The following RIF1 variants were observed in gnomAD, a reference collection of about 807,000 sequenced individuals.
RIF1 encodes telomere-associated protein RIF1.
RIF1 carries 45 observed loss-of-function variants against 247.1 expected under a neutral mutation model. That is an observed-to-expected ratio of 0.18 (90% CI 0.14 to 0.23). The LOEUF (loss-of-function observed/expected upper bound fraction) is 0.23, where lower values mean the gene tolerates loss of function less well. Ranked by LOEUF, RIF1 falls within the 10% of genes least tolerant of loss-of-function variation. RIF1 has a pLI of 1.00. For missense variants in RIF1, 2,967 were observed against 2,862.5 expected (o/e 1.04, Z -0.83); for synonymous variants, 1,087 against 978.8 (o/e 1.11, Z -2.06).
rs553820071 is a variant in RIF1, at chr2:151,433,372, A to G, written c.1077+144A>G. On this transcript the variant is annotated intron_variant, in intron 10 of 35. Transcript: ENST00000444746. ...AAGGTCTTTCACTTTACTGGCAGAG[A>G]ACTTAAATTCATTTCCCACAAGGGA... 89 of 500,298 alleles carry G rather than the reference A, an allele frequency of 1.8e-4. No individual in the cohort carries two copies. In the Middle Eastern group the frequency reaches 2.2e-3, roughly 13 times the overall value. The allele number at this position is 500,298 out of a possible 1,614,324, so 31.0% of individuals were successfully genotyped here. A position where few individuals can be genotyped will look rare whatever the true frequency, so the allele number is the denominator to read the frequency against.
chr2:151,496,984 G>C lies in RIF1; in HGVS notation c.*513+1658G>C, dbSNP rs541150975. On this transcript the variant is annotated intron_variant and NMD_transcript_variant, in intron 10 of 13. Transcript: ENST00000454583. ...ATTGTGTTTGACTCTCTCCATCTCAGGAGTGACAGGTAGAGGGGTTCCCTT... is the reference window on the plus strand; with the variant it reads ...ATTGTGTTTGACTCTCTCCATCTCACGAGTGACAGGTAGAGGGGTTCCCTT... The C allele has an allele frequency of 6.3e-7, 1 of 1,581,244 alleles. No homozygotes were observed. Among genetic ancestry groups the C allele is most frequent in the Admixed American group, 1.8e-5 (1 of 55,148 alleles).
chr2:151,428,133 G>A (rs921502659), intron 8 of RIF1, among the ~76,000 whole-genome samples: 2 of 152,150 alleles, frequency 1.3e-5, no homozygotes, highest in African/African-American at 4.8e-5. Context: ...GAAGGCTGAG[G>A]CAGGAGAATC....
rs148665312 is a variant in RIF1 at position 151,463,778 on chromosome 2, C to A, written c.4258C>A (p.Arg1420=). 2.4e-5 allele frequency: 38 copies of A among 1,613,624 alleles called. No individual in the cohort carries two copies. In the African/African-American group the frequency reaches 4.7e-4, roughly 20 times the overall value. Residue 1420 remains arginine (R), a synonymous_variant, in exon 30 of 36, where the codon CGA becomes AGA. Coordinates refer to ENST00000444746, the MANE Select transcript of RIF1 (RefSeq NM_018151.5). ...NQKTLRRSSR[R]RSEVVESTTE... ...GAAAACCCTTAGACGGTCTTCAAGG[C>A]GACGTTCAGAAGTAGTAGAGTCTAC...
intron 16 of RIF1, among the ~76,000 whole-genome samples, chr2:151,442,476 T>C (rs947499076): frequency 6.6e-6 from 1 of 151,430 alleles, no homozygotes; most frequent in African/African-American, 2.4e-5. Context: ...AAGGAAAAAC[T>C]GATAGTTAAT....
the RIF1 span, chr2:151,526,049 A>G: frequency 6.2e-7 from 1 of 1,613,890 alleles, no homozygotes; most frequent in Non-Finnish European, 8.5e-7. Flanking sequence ...GTGCTTCTTG[A>G]CATGGTCCTT....
chr2:151,411,465 C>T (rs995288799), intron 3 of RIF1, 127 bp downstream of exon 3: 7 of 580,038 alleles, frequency 1.2e-5, no homozygotes, highest in East Asian at 3.0e-5. Flanking sequence ...GGCTCAGGCT[C>T]GGGCTCGGCT....
intron 23 of RIF1, among the ~76,000 whole-genome samples, chr2:151,457,287 T>TA (rs1047357832): frequency 6.6e-6 from 1 of 152,146 alleles, no homozygotes; most frequent in African/African-American, 2.4e-5. Context: ...CACTCCTGGC[T>TA]AATTTTTGTA....
chr2:151,480,968 A>G lies in RIF1; in HGVS notation c.*5897A>G, dbSNP rs2049144211. 1 of 79,314 alleles carries G rather than the reference A, an allele frequency of 1.3e-5. No homozygotes were observed. Among genetic ancestry groups the G allele is most frequent in the African/African-American group, 3.5e-5 (1 of 28,182 alleles). The allele number at this position is 79,314 out of a possible 1,614,324, so 4.9% of individuals were successfully genotyped here. A position where few individuals can be genotyped will look rare whatever the true frequency, so the allele number is the denominator to read the frequency against. ...CATTTTTTAATGGTGAAAAAAGTCA[A>G]AAGAAGGACATTTTGTGACACATGA... On this transcript the variant is annotated 3_prime_UTR_variant, in exon 36 of 36. Coordinates refer to ENST00000444746, the MANE Select transcript of RIF1 (RefSeq NM_018151.5).
intron 6 of RIF1, among the ~76,000 whole-genome samples, chr2:151,418,968 C>CTTTTTTTTTTTTTTTTTTTTTTT: frequency 8.9e-6 from 1 of 111,774 alleles, no homozygotes; most frequent in Non-Finnish European, 1.8e-5. Flanking sequence ...GCCTTAAATT[C>CTTTTTTTTTTTTTTTTTTTTTTT]TTTTTTTTTT....
Position 151,460,047 on chromosome 2 carries a change from A to G in RIF1, c.3003A>G (p.Lys1001=). 1 of 1,574,804 alleles carries G rather than the reference A, an allele frequency of 6.3e-7. No homozygotes were observed. The highest frequency in any genetic ancestry group is 8.7e-7 in the Non-Finnish European group (1 of 1,155,386). Residue 1001 remains lysine, a synonymous_variant, in exon 26 of 36, where the codon AAA becomes AAG. Coordinates refer to ENST00000444746, the MANE Select transcript of RIF1 (RefSeq NM_018151.5). ...TGAAGATAAGTGGCATGGAGAGAAA[A>G]TCAAATGGAAAAAGAGATTCATTTT... ...LNVKISGMER[K]SNGKRDSFLA... is the part of the protein sequence containing the mutation.
chr2:151,463,249 T>G lies in RIF1; in HGVS notation c.3729T>G (p.Ile1243Met). 6.2e-7 allele frequency: 1 copy of G among 1,613,674 alleles called. No individual in the cohort carries two copies. Among genetic ancestry groups the G allele is most frequent in the Non-Finnish European group, 8.5e-7 (1 of 1,179,840 alleles). ...RPFSPSPLNN[I>M]SSTVTVKNNQ... ...TTAGTCCATCCCCCTTGAATAATAT[T>G]TCATCAACTGTTACAGTGAAAAATA... The change falls in exon 30 of 36, where the codon ATT (isoleucine) becomes ATG (methionine). Residue 1243 changes from isoleucine to methionine, a missense_variant. By Grantham distance (10) the Ile-to-Met change is conservative. Coordinates refer to ENST00000444746, the MANE Select transcript of RIF1 (RefSeq NM_018151.5).
intron 3 of RIF1, among the ~76,000 whole-genome samples, chr2:151,412,861 C>T (rs1278663008): frequency 6.6e-6 from 1 of 151,944 alleles, no homozygotes; most frequent in Non-Finnish European, 1.5e-5. Flanking sequence ...AGAGATACTG[C>T]CTACTCTTGG....
chr2:151,471,170 T>C (rs973681369), intron 34 of RIF1, among the ~76,000 whole-genome samples: 4 of 152,184 alleles, frequency 2.6e-5, no homozygotes, highest in African/African-American at 9.6e-5. Context: ...TTGTGATCTT[T>C]TGTGAATGGC....
chr2:151,483,407 A>G (rs1315882668), downstream of RIF1: 6 of 152,190 alleles, frequency 3.9e-5, no homozygotes, highest in Non-Finnish European at 5.9e-5. Context: ...TGACTAATCT[A>G]TAATGAGATT....
At chr2:151,437,602 A>G (rs899209475) in intron 13 of RIF1, among the ~76,000 whole-genome samples, 2 of 152,122 alleles carry the variant, frequency 1.3e-5, no homozygotes, top group African/African-American at 4.8e-5. Context: ...GAGGCATGAG[A>G]ATTGCTTGAG....
At position 151,446,434 on chromosome 2, in the gene RIF1, G is replaced by A. The variant is rs1226437724; in HGVS notation, c.2103G>A (p.Met701Ile). 1.2e-6 allele frequency: 2 copies of A among 1,613,990 alleles called. No homozygotes were observed. Among genetic ancestry groups the A allele is most frequent in the Non-Finnish European group, 1.7e-6 (2 of 1,179,984 alleles). ...FSEQRFPVAT[M>I]KTLLRTWSEL... ...TTTGTTGTTATTGGTAGGCCACCAT[G>A]AAGACTTTGCTTAGAACTTGGTCAG... The change falls in exon 20 of 36, where the codon ATG becomes ATA. Residue 701 changes from methionine to isoleucine, a missense_variant. By Grantham distance (10) the Met-to-Ile change is conservative. This residue lies in a region of RIF1 where 76 missense variants were observed against 113.3 expected (regional missense o/e 0.67). Transcript: ENST00000444746.
intron 9 of RIF1, chr2:151,489,918 G>T: frequency 7.4e-7 from 1 of 1,351,884 alleles, no homozygotes; most frequent in Non-Finnish European, 1.1e-6. Context: ...AATCATGTTT[G>T]CACATATCAA....
the RIF1 span, chr2:151,518,519 C>G: frequency 2.7e-6 from 2 of 750,498 alleles, no homozygotes; most frequent in East Asian, 4.9e-5. Context: ...GCACCATTGT[C>G]AAGATCAAAC....
chr2:151,460,613 T>C (rs927577101), intron 26 of RIF1, among the ~76,000 whole-genome samples: 1 of 152,234 alleles, frequency 6.6e-6, no homozygotes, highest in African/African-American at 2.4e-5. Flanking sequence ...AAGGTTATTC[T>C]AGAATCTTGA....
Sources: allele counts gnomAD v4.1 joint callset (sites outside exome capture counted in the v4.1 genomes callset), GRCh38; gene constraint gnomAD v4.1.1; regional missense constraint gnomAD v4.1.1; transcripts MANE v1.5; gene names NCBI Gene and HGNC (gene_info 2026-07-23, HGNC 2026-07-21).